The following GAREM1 variants were observed in gnomAD, a reference collection of about 807,000 sequenced individuals.
GAREM1 encodes GRB2 associated regulator of MAPK1 subtype 1, also known as GRB2-associated and regulator of MAPK protein 1.
In GAREM1, 26 loss-of-function variants were observed where a neutral mutation model predicts 71.3. The observed-to-expected ratio is 0.36, with a 90% CI of 0.27 to 0.51. The LOEUF is 0.51. GAREM1 is among the 20% of genes least tolerant of loss of function. GAREM1 has a pLI of 0.95. For synonymous variants in GAREM1, 440 were observed against 433.2 expected (o/e 1.02, Z -0.20); for missense variants, 1,026 against 1,103.1 (o/e 0.93, Z 0.99).
chr18:32,382,619 C>T (rs1416910557), intron 2 of GAREM1, among the ~76,000 whole-genome samples: 3 of 152,146 alleles, frequency 2.0e-5, no homozygotes, highest in African/African-American at 7.2e-5. Flanking sequence ...TCTGAAAACT[C>T]CTGGCTAGCT....
intron 2 of GAREM1, among the ~76,000 whole-genome samples, chr18:32,337,423 A>G (rs141075335): frequency 1.6e-4 from 24 of 152,314 alleles, no homozygotes; most frequent in African/African-American, 5.8e-4. Context: ...ATTTTAGGAC[A>G]CTACGATTTA....
chr18:32,320,381 A>T (rs2047417492), intron 2 of GAREM1, among the ~76,000 whole-genome samples: 1 of 152,180 alleles, frequency 6.6e-6, no homozygotes, highest in African/African-American at 2.4e-5. Flanking sequence ...AAATTCTACA[A>T]CATGGCATTC....
chr18:32,436,791 T>A (rs576228086), intron 1 of GAREM1, among the ~76,000 whole-genome samples: 1 of 152,308 alleles, frequency 6.6e-6, no homozygotes, highest in South Asian at 2.1e-4. Context: ...TTATTCTGAG[T>A]ATGTAACTGG....
chr18:32,457,226 A>AGAGAGTGTGTGTGTGT (rs1555648709), intron 1 of GAREM1, among the ~76,000 whole-genome samples: 1 of 81,924 alleles, frequency 1.2e-5, no homozygotes, highest in African/African-American at 4.2e-5. Context: ...AGAGAGAGAG[A>AGAGAGTGTGTGTGTGT]GTGTGTGTGT....
At chr18:32,276,288 C>G (rs1250875553) in intron 4 of GAREM1, among the ~76,000 whole-genome samples, 1 of 152,198 alleles carries the variant, frequency 6.6e-6, no homozygotes, top group African/African-American at 2.4e-5. Context: ...TCACAAGCAT[C>G]GACTTCCACC....
chr18:32,278,804 C>T (rs539835061), intron 4 of GAREM1, among the ~76,000 whole-genome samples: 1 of 152,204 alleles, frequency 6.6e-6, no homozygotes, highest in Non-Finnish European at 1.5e-5. Context: ...AAATGAACCT[C>T]TATTTGATTA....
intron 1 of GAREM1, among the ~76,000 whole-genome samples, chr18:32,464,626 A>G (rs1333894330): frequency 6.6e-6 from 1 of 152,184 alleles, no homozygotes; most frequent in Non-Finnish European, 1.5e-5. Context: ...GGATTACCAG[A>G]TCAATAACCT....
chr18:32,270,233 A>C lies in GAREM1; in HGVS notation c.1717T>G (p.Ser573Ala), dbSNP rs1169512457. Reference sequence around the variant, plus strand: ...AAGACTTACATGTTGTGTAGCCCTGAAGAATAGTAGGACAAGGTGGGGCTG... The same window carrying C: ...AAGACTTACATGTTGTGTAGCCCTGCAGAATAGTAGGACAAGGTGGGGCTG... ...SPSPTLSYYS[S>A]GLHNISVTKT... Residue 573 changes from serine to alanine, a missense_variant, in exon 5 of 6, where the codon TCA (serine) becomes GCA (alanine). Ser to Ala is a moderately conservative substitution (Grantham distance 99). Transcript: ENST00000269209. The C allele has an allele frequency of 6.8e-6, 11 of 1,613,956 alleles. No homozygotes were observed. The highest frequency in any genetic ancestry group is 1.3e-5 in the African/African-American group (1 of 75,050).
chr18:32,363,917 C>T (rs2047891170), intron 2 of GAREM1, among the ~76,000 whole-genome samples: 2 of 138,204 alleles, frequency 1.4e-5, no homozygotes, highest in Admixed American at 7.6e-5. Context: ...CACACACACA[C>T]ATAAAAAAAT....
At chr18:32,325,905 C>T (rs1214036191) in intron 2 of GAREM1, among the ~76,000 whole-genome samples, 2 of 152,116 alleles carry the variant, frequency 1.3e-5, no homozygotes, top group Admixed American at 6.5e-5. Flanking sequence ...GTAAGTGGCA[C>T]ATGACAAGGA....
chr18:32,446,232 G>T (rs909767483), intron 1 of GAREM1, among the ~76,000 whole-genome samples: 2 of 147,864 alleles, frequency 1.4e-5, no homozygotes, highest in African/African-American at 5.0e-5. Context: ...TAGTGTGTGT[G>T]TGTGTGTGTG....
In GAREM1 at chr18:32,266,217, T is replaced by C. The variant is rs2041372251; in HGVS notation, c.*1654A>G. On this transcript the variant is annotated 3_prime_UTR_variant, in exon 6 of 6. Coordinates refer to ENST00000269209, the MANE Select transcript of GAREM1 (RefSeq NM_001242409.2). Reference sequence around the variant, plus strand: ...CCACGATATGGATTAAAAATATCTTTCTTCTAATGCCAAGAAATAAAGACA... The same window carrying C: ...CCACGATATGGATTAAAAATATCTTCCTTCTAATGCCAAGAAATAAAGACA... 6.6e-6 allele frequency: 1 copy of C among 152,212 alleles called. No homozygotes were observed. The highest frequency in any genetic ancestry group is 6.5e-5 in the Admixed American group (1 of 15,278). The allele number at this position is 152,212 out of a possible 1,614,324, so 9.4% of individuals were successfully genotyped here.
chr18:32,305,239 T>C (rs2047241907), intron 3 of GAREM1, among the ~76,000 whole-genome samples: 2 of 152,090 alleles, frequency 1.3e-5, no homozygotes, highest in African/African-American at 4.8e-5. Flanking sequence ...CAGTGAGAGG[T>C]AACCTGCCCA....
At chr18:32,274,433 T>G (rs2041509960) in intron 4 of GAREM1, among the ~76,000 whole-genome samples, 1 of 152,186 alleles carries the variant, frequency 6.6e-6, no homozygotes, top group Non-Finnish European at 1.5e-5. Flanking sequence ...TCATATTCAA[T>G]TTAGCTTTTA....
At chr18:32,335,351 C>G (rs1000802644) in intron 2 of GAREM1, among the ~76,000 whole-genome samples, 11 of 152,192 alleles carry the variant, frequency 7.2e-5, no homozygotes, top group Non-Finnish European at 1.5e-5. Flanking sequence ...CTTTGACTCA[C>G]ACGGTTCTGT....
intron 2 of GAREM1, among the ~76,000 whole-genome samples, chr18:32,327,667 G>T (rs1420181309): frequency 6.6e-6 from 1 of 152,114 alleles, no homozygotes; most frequent in East Asian, 1.9e-4. Context: ...TTGGGTTCTT[G>T]GCATGAAATG....
intron 1 of GAREM1, among the ~76,000 whole-genome samples, chr18:32,399,020 G>A (rs533310889): frequency 1.8e-4 from 28 of 152,186 alleles, no homozygotes; most frequent in Middle Eastern, 3.4e-3. Flanking sequence ...TTCAACATAC[G>A]CAAATCAATA....
intron 4 of GAREM1, among the ~76,000 whole-genome samples, chr18:32,278,211 G>A (rs561168245): frequency 5.1e-4 from 78 of 152,326 alleles, no homozygotes; most frequent in Non-Finnish European, 7.9e-4. Flanking sequence ...TTTCAGAGCA[G>A]TGGTGGGTGC....
chr18:32,305,850 C>G (rs909148458), intron 3 of GAREM1, among the ~76,000 whole-genome samples: 39 of 152,276 alleles, frequency 2.6e-4, no homozygotes, highest in African/African-American at 8.9e-4. Context: ...TCAGTGTGAC[C>G]TGTCACTCAC....
Sources: allele counts gnomAD v4.1 joint callset (sites outside exome capture counted in the v4.1 genomes callset), GRCh38; gene constraint gnomAD v4.1.1; transcripts MANE v1.5; gene names NCBI Gene and HGNC (gene_info 2026-07-23, HGNC 2026-07-21).